The following EEIG2 variants were observed in gnomAD, a reference collection of about 807,000 sequenced individuals.
EEIG2 encodes the protein family with sequence similarity 102 member B.
the EEIG2 span, chr1:108,625,364 G>T: frequency 3.3e-5 from 5 of 152,248 alleles, no homozygotes; most frequent in African/African-American, 1.2e-4. Flanking sequence ...TAATGTCAAG[G>T]TTGCAGGAGG....
the EEIG2 span, among the ~76,000 whole-genome samples, chr1:108,613,402 TCTC>T: frequency 1.3e-5 from 2 of 152,324 alleles, no homozygotes; most frequent in African/African-American, 4.8e-5. Context: ...GTGCATGTCT[TCTC>T]CTGCCTGGTC....
chr1:108,588,567 A>C, the EEIG2 span, among the ~76,000 whole-genome samples: 1 of 152,156 alleles, frequency 6.6e-6, no homozygotes, highest in African/African-American at 2.4e-5. Flanking sequence ...GAGATGTCAT[A>C]ATTTATGAAT....
At chr1:108,569,205 C>T in the EEIG2 span, among the ~76,000 whole-genome samples, 1 of 152,180 alleles carries the variant, frequency 6.6e-6, no homozygotes, top group Non-Finnish European at 1.5e-5. Flanking sequence ...TAAGTTCTAA[C>T]ATTTAGGAGA....
chr1:108,609,774 T>C, the EEIG2 span, among the ~76,000 whole-genome samples: 1 of 152,208 alleles, frequency 6.6e-6, no homozygotes, highest in African/African-American at 2.4e-5. Context: ...GGATCTGGAA[T>C]CCATTATCCT....
chr1:108,633,341 C>T, the EEIG2 span, among the ~76,000 whole-genome samples: 6 of 152,256 alleles, frequency 3.9e-5, no homozygotes, highest in East Asian at 9.7e-4. Context: ...CAGGCTGGGG[C>T]GCAGTGATGT....
At chr1:108,616,274 A>G in the EEIG2 span, 1 of 770,264 alleles carries the variant, frequency 1.3e-6, no homozygotes, top group Non-Finnish European at 2.2e-6. Flanking sequence ...ACCCAATTCA[A>G]CAATCATTTT....
chr1:108,609,771 G>A, the EEIG2 span, among the ~76,000 whole-genome samples: 1 of 152,136 alleles, frequency 6.6e-6, no homozygotes, highest in South Asian at 2.1e-4. Context: ...GATGGATCTG[G>A]AATCCATTAT....
chr1:108,633,453 TTTC>T, the EEIG2 span, among the ~76,000 whole-genome samples: 1 of 152,044 alleles, frequency 6.6e-6, no homozygotes, highest in Non-Finnish European at 1.5e-5. Context: ...ATGCCCAGCT[TTTC>T]TTTTTTAACT....
the EEIG2 span, among the ~76,000 whole-genome samples, chr1:108,623,472 G>A: frequency 6.6e-6 from 1 of 152,104 alleles, no homozygotes; most frequent in African/African-American, 2.4e-5. Flanking sequence ...TCCAACCTGG[G>A]TGACAAAGCG....
At chr1:108,596,225 T>A in the EEIG2 span, among the ~76,000 whole-genome samples, 1 of 152,116 alleles carries the variant, frequency 6.6e-6, no homozygotes, top group African/African-American at 2.4e-5. Context: ...AGTTATATAC[T>A]TCTGTTCCCA....
the EEIG2 span, among the ~76,000 whole-genome samples, chr1:108,574,608 G>T: frequency 1.3e-5 from 2 of 152,096 alleles, no homozygotes; most frequent in Admixed American, 6.6e-5. Flanking sequence ...GACATTAGCT[G>T]GGCGTGGTGG....
At chr1:108,628,697 C>T in the EEIG2 span, 11 of 1,611,954 alleles carry the variant, frequency 6.8e-6, no homozygotes, top group Non-Finnish European at 9.3e-6. Flanking sequence ...AAACAAGATT[C>T]TGTAGAATCT....
the EEIG2 span, chr1:108,560,391 C>T: frequency 3.3e-6 from 5 of 1,528,332 alleles, no homozygotes; most frequent in South Asian, 1.2e-5. Context: ...CGGCGGCGCC[C>T]GGCCGTGCGC....
the EEIG2 span, chr1:108,638,687 C>CAT: frequency 0.99 from 150,393 of 152,282 alleles, 74,297 homozygotes; most frequent in East Asian, 1. Flanking sequence ...TGCCACTACT[C>CAT]ATGTTGTCTT....
chr1:108,569,758 G>A, the EEIG2 span, among the ~76,000 whole-genome samples: 1 of 152,064 alleles, frequency 6.6e-6, no homozygotes, highest in Admixed American at 6.6e-5. Flanking sequence ...CCAATTATGT[G>A]TGCATTTGTG....
the EEIG2 span, among the ~76,000 whole-genome samples, chr1:108,571,244 A>G: frequency 6.6e-6 from 1 of 152,168 alleles, no homozygotes; most frequent in Non-Finnish European, 1.5e-5. Context: ...ACAGCCTGCA[A>G]GTGGCAATGA....
chr1:108,578,196 T>G, the EEIG2 span, among the ~76,000 whole-genome samples: 38 of 108,678 alleles, frequency 3.5e-4, no homozygotes, highest in Middle Eastern at 3.8e-3. Flanking sequence ...AAGGAGATTT[T>G]GGGCTGAGAC....
the EEIG2 span, among the ~76,000 whole-genome samples, chr1:108,574,582 G>A: frequency 6.6e-6 from 1 of 152,044 alleles, no homozygotes; most frequent in Non-Finnish European, 1.5e-5. Context: ...GAAACCCCGT[G>A]TTTACTAAAA....
chr1:108,629,578 T>C, the EEIG2 span: 1,429 of 1,590,778 alleles, frequency 9.0e-4, 33 homozygotes, highest in East Asian at 0.024. Flanking sequence ...ATTTTAAATG[T>C]GTATTGCAGA....
Sources: allele counts gnomAD v4.1 joint callset (sites outside exome capture counted in the v4.1 genomes callset), GRCh38; gene constraint gnomAD v4.1.1; transcripts MANE v1.5; gene names NCBI Gene and HGNC (gene_info 2026-07-23, HGNC 2026-07-21).